Variants in FMNL2 observed in about 807,000 individuals in gnomAD.
The protein encoded by FMNL2 is formin-like protein 2.
A neutral mutation model predicts 130.2 loss-of-function variants in FMNL2; 51 were observed. That is an observed-to-expected ratio of 0.39 (90% CI 0.31 to 0.49). The LOEUF (loss-of-function observed/expected upper bound fraction) is 0.49. Among genes scored for constraint, FMNL2 ranks in the 20% least tolerant of loss-of-function variants. The probability of loss-of-function intolerance (pLI) is 0.85; values close to 1 mark genes in which losing one functional copy is unlikely to be tolerated. For synonymous variants in FMNL2, 465 were observed against 467.1 expected (o/e 1.00, Z 0.06); for missense variants, 977 against 1,316.2 (o/e 0.74, Z 3.99).
chr2:152,361,867 C>T (rs1683200458), intron 1 of FMNL2, among the ~76,000 whole-genome samples: 2 of 152,170 alleles, frequency 1.3e-5, no homozygotes, highest in Non-Finnish European at 1.5e-5. Context: ...GAATTACACT[C>T]ATTTTAGTCT....
chr2:152,493,669 T>C (rs1691340158), intron 1 of FMNL2, among the ~76,000 whole-genome samples: 1 of 152,240 alleles, frequency 6.6e-6, no homozygotes, highest in African/African-American at 2.4e-5. Context: ...GGCACCTCTG[T>C]TGCCACGTGA....
In FMNL2 at chr2:152,340,561, G is replaced by A. The variant is rs568639024; in HGVS notation, c.117+4841G>A. Among the ~76,000 whole-genome samples, 6 of 152,316 alleles carry A rather than the reference G, an allele frequency of 3.9e-5. No homozygotes were observed. The South Asian group carries it at 1.2e-3, about 32-fold the overall frequency. ...GTGCTCTTCAGTTTTTCTTTTCAAG[G>A]CAGATTTGAAATACCTTGGCTGAAA... On this transcript the variant is annotated intron_variant, in intron 1 of 25. Transcript: ENST00000288670.
At chr2:152,401,125 G>T (rs143018723) in intron 1 of FMNL2, among the ~76,000 whole-genome samples, 1 of 152,366 alleles carries the variant, frequency 6.6e-6, no homozygotes, top group Non-Finnish European at 1.5e-5. Context: ...ACAGGCCTGG[G>T]CCTGTGATAT....
intron 3 of FMNL2, among the ~76,000 whole-genome samples, chr2:152,548,606 C>T (rs1053160116): frequency 2.6e-5 from 4 of 152,186 alleles, no homozygotes; most frequent in African/African-American, 9.7e-5. Context: ...TTATCCTATG[C>T]ACCTTTTCTC....
intron 1 of FMNL2, among the ~76,000 whole-genome samples, chr2:152,362,245 C>A (rs1473783910): frequency 6.6e-6 from 1 of 152,088 alleles, no homozygotes; most frequent in Non-Finnish European, 1.5e-5. Flanking sequence ...TCTGAACATA[C>A]TTGTAACTGA....
At chr2:152,509,736 C>CTTTTTT (rs1692386090) in intron 1 of FMNL2, among the ~76,000 whole-genome samples, 2 of 22,134 alleles carry the variant, frequency 9.0e-5, no homozygotes, top group Non-Finnish European at 2.5e-4. Flanking sequence ...GTACTCTGGA[C>CTTTTTT]CTTTTTTTTT....
intron 2 of FMNL2, among the ~76,000 whole-genome samples, chr2:152,536,816 G>A (rs1207850831): frequency 6.6e-6 from 1 of 152,186 alleles, no homozygotes; most frequent in Non-Finnish European, 1.5e-5. Flanking sequence ...GAAGGTATAA[G>A]ATAAACTGGA....
chr2:152,496,728 A>T (rs989635747), intron 1 of FMNL2, among the ~76,000 whole-genome samples: 1 of 151,922 alleles, frequency 6.6e-6, no homozygotes, highest in African/African-American at 2.4e-5. Context: ...GGATTCATGG[A>T]TATTTGGTTA....
At chr2:152,361,894 T>C (rs1273814682) in intron 1 of FMNL2, among the ~76,000 whole-genome samples, 2 of 152,236 alleles carry the variant, frequency 1.3e-5, no homozygotes, top group Admixed American at 6.5e-5. Flanking sequence ...TATAAAGTTA[T>C]CAAACAGAAT....
intron 1 of FMNL2, among the ~76,000 whole-genome samples, chr2:152,419,011 G>A (rs532586416): frequency 2.0e-5 from 3 of 151,366 alleles, no homozygotes; most frequent in South Asian, 4.2e-4. Flanking sequence ...CATTCTGATG[G>A]GTATGAAACA....
At chr2:152,396,222 G>T (rs886922838) in intron 1 of FMNL2, among the ~76,000 whole-genome samples, 1 of 152,276 alleles carries the variant, frequency 6.6e-6, no homozygotes. Context: ...GGAGCTAGAA[G>T]AACTTGGCTG....
intron 1 of FMNL2, among the ~76,000 whole-genome samples, chr2:152,338,948 A>T (rs758090894): frequency 2.6e-5 from 4 of 152,226 alleles, no homozygotes; most frequent in Non-Finnish European, 5.9e-5. Flanking sequence ...TAAATTATAA[A>T]GTCAGCCACG....
chr2:152,496,449 A>G (rs2105306360), intron 1 of FMNL2, among the ~76,000 whole-genome samples: 1 of 152,312 alleles, frequency 6.6e-6, no homozygotes, highest in Admixed American at 6.5e-5. Context: ...GGCCTGCCAG[A>G]TGTCTCCACA....
At chr2:152,448,563 AC>A (rs1464372364) in intron 1 of FMNL2, among the ~76,000 whole-genome samples, 1 of 152,032 alleles carries the variant, frequency 6.6e-6, no homozygotes, top group African/African-American at 2.4e-5. Context: ...GTGGAGTAAA[AC>A]TCCTCGGGGT....
At chr2:152,491,967 A>G (rs898765743) in intron 1 of FMNL2, among the ~76,000 whole-genome samples, 1 of 152,188 alleles carries the variant, frequency 6.6e-6, no homozygotes, top group Admixed American at 6.5e-5. Context: ...AACAACAACA[A>G]CAAACTATAT....
intron 1 of FMNL2, among the ~76,000 whole-genome samples, chr2:152,484,084 G>T (rs1418749465): frequency 2.0e-5 from 3 of 152,206 alleles, no homozygotes; most frequent in African/African-American, 7.2e-5. Context: ...AGGTCCTGAG[G>T]AAGTAGTTTC....
At chr2:152,364,391 G>A (rs1225194497) in intron 1 of FMNL2, among the ~76,000 whole-genome samples, 1 of 151,200 alleles carries the variant, frequency 6.6e-6, no homozygotes, top group Non-Finnish European at 1.5e-5. Flanking sequence ...AAACCTAAGG[G>A]GTGAATGAAA....
chr2:152,617,289 T>A, intron 13 of FMNL2, 97 bp downstream of exon 13: 2 of 1,020,620 alleles, frequency 2.0e-6, no homozygotes, highest in South Asian at 2.9e-5. Context: ...TTCAGAGGAA[T>A]GCATTGATGC....
chr2:152,463,277 AT>A (rs1259829778), intron 1 of FMNL2, among the ~76,000 whole-genome samples: 1 of 152,140 alleles, frequency 6.6e-6, no homozygotes, highest in Non-Finnish European at 1.5e-5. Context: ...AAATTGAGCC[AT>A]TTTCATATGT....
Sources: allele counts gnomAD v4.1 joint callset (sites outside exome capture counted in the v4.1 genomes callset), GRCh38; gene constraint gnomAD v4.1.1; transcripts MANE v1.5; gene names NCBI Gene and HGNC (gene_info 2026-07-23, HGNC 2026-07-21).